ZNF573: variants seen among roughly 807,000 people sequenced by gnomAD.
ZNF573 encodes the protein zinc finger protein 573.
Under a neutral mutation model 57.4 loss-of-function variants are expected in ZNF573, and 41 were observed. The observed-to-expected ratio is 0.71, with a 90% CI of 0.56 to 0.93. ZNF573 has a LOEUF of 0.93. Among genes scored for constraint, ZNF573 ranks in the 40% least tolerant of loss-of-function variants. The pLI is 0.00. For synonymous variants in ZNF573, 249 were observed against 261.0 expected (o/e 0.95, Z 0.44); for missense variants, 730 against 794.8 (o/e 0.92, Z 0.98).
At chr19:37,759,414 T>C (rs1021985634) in intron 4 of ZNF573, among the ~76,000 whole-genome samples, 1 of 152,188 alleles carries the variant, frequency 6.6e-6, no homozygotes, top group Admixed American at 6.5e-5. Flanking sequence ...AAACTATCAT[T>C]TTTCAAATTT....
At chr19:37,754,755 T>G (rs887137520) in intron 4 of ZNF573, among the ~76,000 whole-genome samples, 4 of 151,640 alleles carry the variant, frequency 2.6e-5, no homozygotes, top group Non-Finnish European at 5.9e-5. Context: ...ATCAAAAAAT[T>G]TTGAATTAAG....
rs761619945 is a variant in ZNF573 at position 37,738,829 on chromosome 19, A to G, written c.1661T>C (p.Phe554Ser). 7 of 1,613,382 alleles carry G rather than the reference A, an allele frequency of 4.3e-6. No individual in the cohort carries two copies. In the South Asian group the frequency reaches 7.7e-5, roughly 18 times the overall value. The change falls in exon 5 of 5, where the codon TTT becomes TCT. Residue 554 changes from phenylalanine (F) to serine (S), a missense_variant. By Grantham distance (155) the Phe-to-Ser change is radical (BLOSUM62 -2). Coordinates refer to ENST00000536220, the MANE Select transcript of ZNF573 (RefSeq NM_001172690.2). ...HQSIHTDEKP[F>S]ECKECGKTFR... The stretch of plus-strand genomic sequence containing the variant: ...GGTCTTCCCACATTCCTTACATTCA[A>G]AAGGTTTCTCATCAGTATGAATACT...
At chr19:37,740,840 T>C (rs951926081) in intron 4 of ZNF573, 3 of 294,222 alleles carry the variant, frequency 1.0e-5, no homozygotes, top group Admixed American at 4.8e-5. Flanking sequence ...TATTTGCACA[T>C]AACCTATAAA....
At chr19:37,776,213 A>G (rs2045707504) in intron 1 of ZNF573, among the ~76,000 whole-genome samples, 2 of 152,178 alleles carry the variant, frequency 1.3e-5, no homozygotes. Context: ...CTGGAGACAT[A>G]ACATTCCCTG....
Position 37,740,128 on chromosome 19 carries a change from G to A in ZNF573, c.362C>T (p.Ser121Phe), listed in dbSNP as rs775772267. Residue 121 changes from serine to phenylalanine, a missense_variant, in exon 5 of 5, where the codon TCT becomes TTT. Physicochemically the swap from Ser to Phe is radical, Grantham distance 155. Transcript: ENST00000536220. ...CTTATATATGCTCTGAAGTTGTGTAGAGGATATATCTGTTTCATAAGTGGG... is the reference window on the plus strand; with the variant it reads ...CTTATATATGCTCTGAAGTTGTGTAAAGGATATATCTGTTTCATAAGTGGG... ...EVPTYETDIS[S>F]TQLQSIYKRE... The A allele has an allele frequency of 6.2e-7, 1 of 1,613,472 alleles. No individual in the cohort carries two copies. Among genetic ancestry groups the A allele is most frequent in the African/African-American group, 1.3e-5 (1 of 74,902 alleles).
Position 37,739,987 on chromosome 19 carries a change from C to A in ZNF573, c.503G>T (p.Gly168Val). Reference protein sequence around the residue: ...IERPYECKECGKNFRSGYQLT... With the variant: ...IERPYECKECVKNFRSGYQLT... Reference sequence around the variant, plus strand: ...TTGATAGCCACTACGAAAGTTCTTCCCACACTCTTTGCATTCATAGGGTCT... The same window carrying A: ...TTGATAGCCACTACGAAAGTTCTTCACACACTCTTTGCATTCATAGGGTCT... The change falls in exon 5 of 5, where the codon GGG becomes GTG. Residue 168 changes from glycine (G) to valine (V), a missense_variant. Gly to Val is a moderately radical substitution (Grantham distance 109, BLOSUM62 -3). Coordinates refer to ENST00000536220, the MANE Select transcript of ZNF573 (RefSeq NM_001172690.2). The A allele has an allele frequency of 6.2e-7, 1 of 1,614,080 alleles. No individual in the cohort carries two copies. The highest frequency in any genetic ancestry group is 8.5e-7 in the Non-Finnish European group (1 of 1,179,994).
rs1386505046 is a variant in ZNF573 at position 37,771,605 on chromosome 19, C to G, written c.161G>C (p.Arg54Thr). 10 of 1,607,014 alleles carry G rather than the reference C, an allele frequency of 6.2e-6. No individual in the cohort carries two copies. Among genetic ancestry groups the G allele is most frequent in the African/African-American group, 1.3e-5 (1 of 74,278 alleles). Residue 54 changes from arginine (R) to threonine (T), a missense_variant, in exon 3 of 5, where the codon AGG (arginine) becomes ACG (threonine). Arg to Thr is a moderately conservative substitution (Grantham distance 71). Transcript: ENST00000536220. Reference protein sequence around the residue: ...YLDPNQRDLYRDVMLENYRNL... With the variant: ...YLDPNQRDLYTDVMLENYRNL... Reference sequence around the variant, plus strand: ...TCTATAGTTCTCCAACATCACATCCCTGTATAAGTCCCTCTGATTAGGGTC... The same window carrying G: ...TCTATAGTTCTCCAACATCACATCCGTGTATAAGTCCCTCTGATTAGGGTC...
intron 4 of ZNF573, among the ~76,000 whole-genome samples, chr19:37,764,144 G>C (rs1041660262): frequency 6.6e-6 from 1 of 151,352 alleles, no homozygotes; most frequent in African/African-American, 2.4e-5. Flanking sequence ...GAGTATTGGA[G>C]AATTGGTACT....
At chr19:37,754,176 T>C (rs768813331) in intron 4 of ZNF573, among the ~76,000 whole-genome samples, 2 of 152,166 alleles carry the variant, frequency 1.3e-5, no homozygotes, top group Admixed American at 6.5e-5. Flanking sequence ...TGTGGTCAAT[T>C]TGTATAATAT....
chr19:37,749,185 G>A (rs1265013012), intron 4 of ZNF573, among the ~76,000 whole-genome samples: 1 of 151,740 alleles, frequency 6.6e-6, no homozygotes. Context: ...GAGCCAAGAA[G>A]AAAGGTGCAT....
At chr19:37,740,749 G>T in intron 4 of ZNF573, 1 of 366,826 alleles carries the variant, frequency 2.7e-6, no homozygotes, top group Non-Finnish European at 5.3e-6. Flanking sequence ...ATCTGTGGAG[G>T]ATCAGTTCCA....
intron 4 of ZNF573, chr19:37,758,380 CACCTGAGGTCAGG>C (rs2045517673): frequency 6.7e-6 from 1 of 148,250 alleles, no homozygotes; most frequent in African/African-American, 2.5e-5. Flanking sequence ...GTGGGTGGAT[CACCTGAGGTCAGG>C]TGTTCCAGAC....
intron 4 of ZNF573, among the ~76,000 whole-genome samples, chr19:37,758,198 AT>A (rs1599695738): frequency 2.2e-4 from 5 of 22,338 alleles, no homozygotes; most frequent in Admixed American, 9.6e-4. Context: ...TTAAAGTATA[AT>A]AAAATATATA....
Position 37,770,247 on chromosome 19 carries a change from T to C in ZNF573, c.203-150A>G, listed in dbSNP as rs2045642788. ...AAATGAAACAGGCACAGTAAAACCTTATTTTAATGTAAACTCATACACGCG... is the reference window on the plus strand; with the variant it reads ...AAATGAAACAGGCACAGTAAAACCTCATTTTAATGTAAACTCATACACGCG... On this transcript the variant is annotated intron_variant, in intron 3 of 4. Transcript: ENST00000536220. 6 of 643,788 alleles carry C rather than the reference T, an allele frequency of 9.3e-6. No homozygotes were observed. The South Asian group carries it at 1.3e-4, about 13-fold the overall frequency. The allele number at this position is 643,788 out of a possible 1,614,324, so 39.9% of individuals were successfully genotyped here.
intron 4 of ZNF573, among the ~76,000 whole-genome samples, chr19:37,750,111 C>A (rs1419353475): frequency 1.3e-5 from 2 of 148,790 alleles, no homozygotes; most frequent in East Asian, 3.9e-4. Flanking sequence ...GAGATGGAGT[C>A]TCCCTTTGTT....
chr19:37,773,695 A>C lies in ZNF573; in HGVS notation c.35T>G (p.Leu12Arg). The C allele has an allele frequency of 6.5e-7, 1 of 1,535,906 alleles. No individual in the cohort carries two copies. Among genetic ancestry groups the C allele is most frequent in the Non-Finnish European group, 8.7e-7 (1 of 1,146,756 alleles). The change falls in exon 2 of 5, where the codon CTG becomes CGG. Residue 12 changes from leucine to arginine, a missense_variant. By Grantham distance (102) the Leu-to-Arg change is moderately radical. Coordinates refer to ENST00000536220, the MANE Select transcript of ZNF573 (RefSeq NM_001172690.2). ...FPVLEPHQVG[L>R]IRSYNSKTMT... ...GGTTTTAGAATTGTAAGACCTGATC[A>C]GTCCTACTTGGTGGGGTTCCAATAC...
At chr19:37,769,067 C>T (rs1329658408) in intron 4 of ZNF573, among the ~76,000 whole-genome samples, 1 of 151,716 alleles carries the variant, frequency 6.6e-6, no homozygotes, top group African/African-American at 2.4e-5. Flanking sequence ...TGGGTTCAAG[C>T]GATTCTCCTG....
chr19:37,752,429 G>C (rs2045447098), intron 4 of ZNF573, among the ~76,000 whole-genome samples: 1 of 152,104 alleles, frequency 6.6e-6, no homozygotes, highest in Admixed American at 6.6e-5. Context: ...CATAAAAAAA[G>C]AATGAGTATT....
At chr19:37,768,136 G>A (rs1050370395) in intron 4 of ZNF573, among the ~76,000 whole-genome samples, 1 of 152,068 alleles carries the variant, frequency 6.6e-6, no homozygotes, top group Non-Finnish European at 1.5e-5. Flanking sequence ...CACGGCTGTG[G>A]TGACATGATT....
Sources: gnomAD v4.1 joint callset for allele counts (sites outside exome capture counted in the v4.1 genomes callset) on GRCh38, gnomAD v4.1.1 for gene constraint, MANE v1.5 for transcripts, NCBI Gene and HGNC (gene_info 2026-07-23, HGNC 2026-07-21) for gene names.